The following SCARA5 variants were observed in gnomAD, a reference collection of about 807,000 sequenced individuals.
SCARA5 encodes the protein scavenger receptor class A, member 5 (putative).
A neutral mutation model predicts 46.3 loss-of-function variants in SCARA5; 45 were observed. The observed-to-expected ratio is 0.97, with a 90% confidence interval of 0.76 to 1.24. The LOEUF (loss-of-function observed/expected upper bound fraction) is 1.24. Among genes scored for constraint, SCARA5 ranks in the 50% most tolerant of loss-of-function variants. SCARA5 has a pLI of 0.00. For missense variants in SCARA5, 680 were observed against 689.0 expected (o/e 0.99, Z 0.15); for synonymous variants, 333 against 306.5 (o/e 1.09, Z -0.90).
At chr8:27,987,045 A>G (rs1251324207) in intron 2 of SCARA5, among the ~76,000 whole-genome samples, 1 of 152,212 alleles carries the variant, frequency 6.6e-6, no homozygotes, top group Non-Finnish European at 1.5e-5. Context: ...TTTCTGTGGC[A>G]AGACCAGGGC....
intron 1 of SCARA5, among the ~76,000 whole-genome samples, chr8:27,989,228 C>T (rs1030587072): frequency 1.0e-4 from 15 of 149,400 alleles, no homozygotes; most frequent in African/African-American, 3.0e-4. Context: ...CTCCGCCTCC[C>T]GGGCTCAAGT....
chr8:27,909,251 C>A (rs1807325722), intron 5 of SCARA5, among the ~76,000 whole-genome samples: 1 of 152,124 alleles, frequency 6.6e-6, no homozygotes, highest in African/African-American at 2.4e-5. Context: ...TAGACCTGGG[C>A]AGGGTCAGCA....
chr8:27,894,988 A>C (rs1807040998), intron 7 of SCARA5, among the ~76,000 whole-genome samples: 1 of 152,140 alleles, frequency 6.6e-6, no homozygotes, highest in Non-Finnish European at 1.5e-5. Flanking sequence ...TTGGCTGTGC[A>C]CCAGAAGGGA....
At chr8:27,952,529 T>C (rs1305333996) in intron 3 of SCARA5, among the ~76,000 whole-genome samples, 1 of 151,996 alleles carries the variant, frequency 6.6e-6, no homozygotes, top group Non-Finnish European at 1.5e-5. Flanking sequence ...GCAGAGCTAC[T>C]TCCCTTAGCC....
In SCARA5 at chr8:27,966,468, G is replaced by C; in HGVS notation, c.187C>G (p.Leu63Val). The C allele has an allele frequency of 6.2e-7, 1 of 1,613,920 alleles. No homozygotes were observed. Among genetic ancestry groups the C allele is most frequent in the African/African-American group, 1.3e-5 (1 of 75,020 alleles). Reference sequence around the variant, plus strand: ...AGGAAGACCAGCAGGTAGAGCCCCAGGACAGCATGCTTCAGGGCCGACAGG... The same window carrying C: ...AGGAAGACCAGCAGGTAGAGCCCCACGACAGCATGCTTCAGGGCCGACAGG... The part of the protein sequence containing the change: ...GSLSALKHAV[L>V]GLYLLVFLIL... The change falls in exon 3 of 9, where the codon CTG (leucine) becomes GTG (valine). Residue 63 changes from leucine (L) to valine (V), a missense_variant. This residue lies in a region of SCARA5 where 438 missense variants were observed against 384.5 expected (regional missense o/e 1.14). Coordinates refer to ENST00000354914, the MANE Select transcript of SCARA5 (RefSeq NM_173833.6).
intron 2 of SCARA5, among the ~76,000 whole-genome samples, chr8:27,972,346 C>T: frequency 1.3e-5 from 1 of 76,868 alleles, no homozygotes; most frequent in Middle Eastern, 5.9e-3. Context: ...AAACAAAAAA[C>T]AAAACAAAAA....
chr8:27,898,738 G>A (rs959512895), intron 7 of SCARA5, among the ~76,000 whole-genome samples: 8 of 152,192 alleles, frequency 5.3e-5, no homozygotes, highest in Non-Finnish European at 1.0e-4. Flanking sequence ...AATCAACCAC[G>A]TGATTAGGAA....
At position 27,962,821 on chromosome 8, in the gene SCARA5, G is replaced by C. The variant is rs1808312888; in HGVS notation, c.241+3593C>G. Among the ~76,000 whole-genome samples the C allele has an allele frequency of 2.0e-5, 3 of 152,256 alleles. No homozygotes were observed. In the South Asian group the frequency reaches 6.2e-4, roughly 32 times the overall value. On this transcript the variant is annotated intron_variant, in intron 3 of 8. Transcript: ENST00000354914. The stretch of plus-strand genomic sequence containing the variant: ...CATGATTTTAAACCCTCCTGTGCAG[G>C]GCCTACATCTCATGACGTTTTATTC...
rs894887855 is a variant in SCARA5, at chr8:27,920,486, C to A, written c.916+1085G>T. 3.3e-5 allele frequency among the ~76,000 whole-genome samples: 5 copies of A among 151,852 alleles called. No homozygotes were observed. In the East Asian group the frequency reaches 9.7e-4, roughly 29 times the overall value. On this transcript the variant is annotated intron_variant, in intron 4 of 8. Transcript: ENST00000354914. The stretch of plus-strand genomic sequence containing the variant: ...AAAATTAGCCAGGAGTGGTGGCACA[C>A]ACCTGTAATCCTAGCTACTCAGAAG...
At chr8:27,972,699 AC>A (rs550225553) in intron 2 of SCARA5, among the ~76,000 whole-genome samples, 97 of 152,226 alleles carry the variant, frequency 6.4e-4, no homozygotes, top group African/African-American at 2.3e-3. Flanking sequence ...CCCTATCTCT[AC>A]AAAAAATTTT....
intron 5 of SCARA5, 69 bp downstream of exon 5, chr8:27,909,590 ACCAT>A: frequency 9.2e-7 from 1 of 1,088,020 alleles, no homozygotes; most frequent in Non-Finnish European, 1.4e-6. Flanking sequence ...TGGCATTTAT[ACCAT>A]CAAGAAAGTA....
At chr8:27,894,318 C>T (rs929723136) in intron 7 of SCARA5, among the ~76,000 whole-genome samples, 16 of 152,186 alleles carry the variant, frequency 1.1e-4, no homozygotes, top group African/African-American at 2.2e-4. Context: ...TCCACAGAGG[C>T]GACTCTCAGG....
intron 3 of SCARA5, among the ~76,000 whole-genome samples, chr8:27,946,565 AAGCCATGC>A (rs1808040201): frequency 6.6e-6 from 1 of 152,214 alleles, no homozygotes; most frequent in South Asian, 2.1e-4. Flanking sequence ...TCTATTGTTT[AAGCCATGC>A]AGGCTGCGGT....
intron 2 of SCARA5, among the ~76,000 whole-genome samples, chr8:27,969,860 T>C (rs1233678294): frequency 6.6e-6 from 1 of 152,148 alleles, no homozygotes; most frequent in East Asian, 1.9e-4. Context: ...GTAGAGCTTT[T>C]GACTTAAGGA....
At chr8:27,944,284 G>A (rs1807998314) in intron 3 of SCARA5, among the ~76,000 whole-genome samples, 1 of 152,182 alleles carries the variant, frequency 6.6e-6, no homozygotes, top group South Asian at 2.1e-4. Context: ...TGGATATACT[G>A]TATTTATAAT....
rs185233236 is a variant in SCARA5, at chr8:27,899,106, G to A, written c.1153+5672C>T. On this transcript the variant is annotated intron_variant, in intron 7 of 8. Transcript: ENST00000354914. ...ATCAAACCCACGGAGGGGGTCTAAA[G>A]GGAATCTCTGACTTTCAGCCAGTTG... 7.9e-3 allele frequency among the ~76,000 whole-genome samples: 1,204 copies of A among 152,334 alleles called. 21 individuals are homozygous for A. The highest frequency in any genetic ancestry group is 0.028 in the African/African-American group (1,155 of 41,568).
intron 2 of SCARA5, among the ~76,000 whole-genome samples, chr8:27,972,938 A>G (rs1280509457): frequency 6.6e-6 from 1 of 152,192 alleles, no homozygotes; most frequent in Non-Finnish European, 1.5e-5. Flanking sequence ...AGAACCTTGC[A>G]TGCATCTTTC....
chr8:27,987,801 C>T (rs915063476), intron 1 of SCARA5, among the ~76,000 whole-genome samples, 171 bp from the exon 2 acceptor site: 3 of 152,200 alleles, frequency 2.0e-5, no homozygotes, highest in South Asian at 2.1e-4. Context: ...TGCCATCCTC[C>T]AGGTCCTTGG....
chr8:27,965,889 A>G (rs1264390058), intron 3 of SCARA5, among the ~76,000 whole-genome samples: 1 of 152,168 alleles, frequency 6.6e-6, no homozygotes, highest in African/African-American at 2.4e-5. Flanking sequence ...CTCCTTCTCC[A>G]TGGCTGGAGA....
Sources: gnomAD v4.1 joint callset for allele counts (sites outside exome capture counted in the v4.1 genomes callset) on GRCh38, gnomAD v4.1.1 for gene constraint, gnomAD v4.1.1 regional missense constraint, MANE v1.5 for transcripts, NCBI Gene and HGNC (gene_info 2026-07-23, HGNC 2026-07-21) for gene names.